Variants in PALS2 observed in about 807,000 individuals in gnomAD.
The protein encoded by PALS2 is protein PALS2.
Under a neutral mutation model 61.6 loss-of-function variants are expected in PALS2, and 27 were observed. The ratio of observed to expected loss-of-function variants is 0.44; its 90% CI spans 0.32 to 0.60. The LOEUF (loss-of-function observed/expected upper bound fraction) is 0.60. Ranked by LOEUF, PALS2 falls within the 20% of genes least tolerant of loss-of-function variation. The pLI is 0.05. For synonymous variants in PALS2, 236 were observed against 218.6 expected (o/e 1.08, Z -0.70); for missense variants, 554 against 639.4 (o/e 0.87, Z 1.44).
chr7:24,605,181 A>G (rs1230436757), intron 1 of PALS2, among the ~76,000 whole-genome samples: 2 of 152,254 alleles, frequency 1.3e-5, no homozygotes, highest in Non-Finnish European at 2.9e-5. Context: ...TACTATTACT[A>G]AACTTTCATA....
At chr7:24,658,610 G>T (rs1339014655) in intron 5 of PALS2, among the ~76,000 whole-genome samples, 48 of 149,266 alleles carry the variant, frequency 3.2e-4, no homozygotes, top group Admixed American at 1.0e-3. Flanking sequence ...AGGCTGGAGT[G>T]CAGTGGCACG....
intron 11 of PALS2, among the ~76,000 whole-genome samples, chr7:24,685,503 C>A (rs1281216796): frequency 6.6e-6 from 1 of 152,230 alleles, no homozygotes; most frequent in East Asian, 1.9e-4. Flanking sequence ...TCCTCCCCCC[C>A]ATTTTATACA....
At position 24,650,486 on chromosome 7, in the gene PALS2, G is replaced by T; in HGVS notation, c.425G>T (p.Gly142Val). 3 of 1,585,058 alleles carry T rather than the reference G, an allele frequency of 1.9e-6. No individual in the cohort carries two copies. Among genetic ancestry groups the T allele is most frequent in the Non-Finnish European group, 2.6e-6 (3 of 1,168,220 alleles). The change falls in exon 5 of 12, where the codon GGT becomes GTT. Residue 142 changes from glycine (G) to valine (V), a missense_variant and splice_region_variant. Physicochemically the swap from Gly to Val is moderately radical, Grantham distance 109. Coordinates refer to ENST00000222644, the MANE Select transcript of PALS2 (RefSeq NM_001303037.2). ...AAATCTGTTTCTTATTTTTCATAGG[G>T]TGTGACATTTAGGGTTGAAAATAAT... ...GIHKRAGEPL[G>V]VTFRVENNDL...
intron 1 of PALS2, among the ~76,000 whole-genome samples, chr7:24,611,217 T>C (rs572550565): frequency 6.6e-4 from 100 of 152,214 alleles, no homozygotes; most frequent in Admixed American, 1.6e-3. Context: ...CATAATAAAC[T>C]GTATTGTAGA....
At chr7:24,605,567 A>C (rs1186429312) in intron 1 of PALS2, among the ~76,000 whole-genome samples, 1 of 152,188 alleles carries the variant, frequency 6.6e-6, no homozygotes, top group Non-Finnish European at 1.5e-5. Flanking sequence ...AGATACAAAT[A>C]TGTAAATATG....
At chr7:24,627,067 A>G (rs541961375) in intron 2 of PALS2, among the ~76,000 whole-genome samples, 1 of 152,360 alleles carries the variant, frequency 6.6e-6, no homozygotes, top group East Asian at 1.9e-4. Flanking sequence ...CAGAATATAC[A>G]TTCCTCTCAG....
chr7:24,687,692 C>A lies in PALS2; in HGVS notation c.*78C>A. On this transcript the variant is annotated 3_prime_UTR_variant, in exon 12 of 12. Transcript: ENST00000222644. The surrounding 1 kb of genome is among the most constrained non-coding windows in gnomAD (Gnocchi z 4.5). ...AAATAAACCTTCTACTGAGAAAATA[C>A]ATCACAGATAGAAGATTATCTGCTA... is the stretch of plus-strand genomic sequence containing the variant. 7.4e-7 allele frequency: 1 copy of A among 1,360,436 alleles called. No homozygotes were observed. The highest frequency in any genetic ancestry group is 9.9e-7 in the Non-Finnish European group (1 of 1,007,510). The allele number at this position is 1,360,436 out of a possible 1,614,324, so 84.3% of individuals were successfully genotyped here. A position where few individuals can be genotyped will look rare whatever the true frequency, so the allele number is the denominator to read the frequency against.
In PALS2 at chr7:24,690,812, A is replaced by T. The variant is rs1326218372; in HGVS notation, c.*3198A>T. ...GCTGAACATAGCTTTCTGAAATAGA[A>T]ATTATAAGAGAAACCCAGTATGCCT... is the stretch of plus-strand genomic sequence containing the variant. On this transcript the variant is annotated 3_prime_UTR_variant, in exon 12 of 12. Coordinates refer to ENST00000222644, the MANE Select transcript of PALS2 (RefSeq NM_001303037.2). 1 of 152,242 alleles carries T rather than the reference A, an allele frequency of 6.6e-6. No homozygotes were observed. The highest frequency in any genetic ancestry group is 1.5e-5 in the Non-Finnish European group (1 of 68,034). 9.4% of individuals were successfully genotyped at this position (152,242 alleles called of 1,614,324 possible).
chr7:24,649,865 T>C, intron 4 of PALS2, 101 bp downstream of exon 4: 2 of 1,150,504 alleles, frequency 1.7e-6, no homozygotes, highest in Non-Finnish European at 2.3e-6. Flanking sequence ...CATAATGTTA[T>C]GAAAACTGTA....
At chr7:24,679,062 A>C in intron 9 of PALS2, 69 bp from the exon 10 acceptor site, 1 of 1,396,220 alleles carries the variant, frequency 7.2e-7, no homozygotes, top group Non-Finnish European at 1.0e-6. Flanking sequence ...AAGCCACCCT[A>C]TGTATTTTAG....
intron 3 of PALS2, among the ~76,000 whole-genome samples, chr7:24,648,911 G>GAA (rs1226681572): frequency 7.2e-6 from 1 of 139,218 alleles, no homozygotes; most frequent in Non-Finnish European, 1.6e-5. Context: ...TCTCAAAAAA[G>GAA]AAAAAAAAAA....
chr7:24,588,937 A>G (rs1293774222), intron 1 of PALS2, among the ~76,000 whole-genome samples: 2 of 152,206 alleles, frequency 1.3e-5, no homozygotes, highest in Non-Finnish European at 2.9e-5. Flanking sequence ...GTTGATGTAA[A>G]CATATTGGCC....
chr7:24,688,519 G>A lies in PALS2; in HGVS notation c.*905G>A, dbSNP rs969101892. On this transcript the variant is annotated 3_prime_UTR_variant, in exon 12 of 12. Coordinates refer to ENST00000222644, the MANE Select transcript of PALS2 (RefSeq NM_001303037.2). ...CAATGGTTTTATTAGAACATGGTCA[G>A]CAAATGTATCATGCCTCTGCAAATT... 6.6e-6 allele frequency: 1 copy of A among 152,094 alleles called. No homozygotes were observed. Among genetic ancestry groups the A allele is most frequent in the Non-Finnish European group, 1.5e-5 (1 of 68,008 alleles). The allele number at this position is 152,094 out of a possible 1,614,324, so 9.4% of individuals were successfully genotyped here. A position where few individuals can be genotyped will look rare whatever the true frequency, so the allele number is the denominator to read the frequency against.
intron 1 of PALS2, among the ~76,000 whole-genome samples, chr7:24,590,655 A>G (rs1350134269): frequency 1.3e-5 from 2 of 152,130 alleles, no homozygotes; most frequent in Non-Finnish European, 2.9e-5. Flanking sequence ...GGTTAGTCCT[A>G]TAAGGTCTCA....
At chr7:24,620,710 A>G (rs1451484999) in intron 1 of PALS2, among the ~76,000 whole-genome samples, 1 of 152,162 alleles carries the variant, frequency 6.6e-6, no homozygotes, top group East Asian at 1.9e-4. Flanking sequence ...TTAATTTGCT[A>G]GGTATTGCTA....
chr7:24,630,765 C>T (rs547830031), intron 2 of PALS2, among the ~76,000 whole-genome samples: 3 of 152,208 alleles, frequency 2.0e-5, no homozygotes, highest in African/African-American at 4.8e-5. Flanking sequence ...AAGAATTATG[C>T]GAATTCTACT....
chr7:24,581,985 G>A (rs1335139568), intron 1 of PALS2, among the ~76,000 whole-genome samples: 1 of 152,128 alleles, frequency 6.6e-6, no homozygotes, highest in Non-Finnish European at 1.5e-5. Context: ...TCTTTTGCCA[G>A]GAACTCTGGG....
At chr7:24,676,250 A>C (rs1787587636) in intron 9 of PALS2, among the ~76,000 whole-genome samples, 1 of 151,438 alleles carries the variant, frequency 6.6e-6, no homozygotes. Flanking sequence ...AATTTGTTTG[A>C]GTTCATTGTA....
In PALS2 at chr7:24,690,296, A is replaced by G. The variant is rs1788409118; in HGVS notation, c.*2682A>G. The G allele has an allele frequency of 6.6e-6, 1 of 152,218 alleles. No individual in the cohort carries two copies. Among genetic ancestry groups the G allele is most frequent in the African/African-American group, 2.4e-5 (1 of 41,462 alleles). 9.4% of individuals were successfully genotyped at this position (152,218 alleles called of 1,614,324 possible). A position where few individuals can be genotyped will look rare whatever the true frequency, so the allele number is the denominator to read the frequency against. On this transcript the variant is annotated 3_prime_UTR_variant, in exon 12 of 12. Transcript: ENST00000222644. ...CCCCAGAGGTCCCAGGGTTCTTCCT[A>G]GGTAATGAGAGTATAGCTGTGATCA...
Sources: gnomAD v4.1 joint callset for allele counts (sites outside exome capture counted in the v4.1 genomes callset) on GRCh38, gnomAD v4.1.1 for gene constraint, Gnocchi (gnomAD v3.1) non-coding constraint, MANE v1.5 for transcripts, NCBI Gene and HGNC (gene_info 2026-07-23, HGNC 2026-07-21) for gene names.